ENTREP2: variants seen among roughly 807,000 people sequenced by gnomAD.
ENTREP2 encodes protein ENTREP2.
chr15:29,361,923 G>C, the ENTREP2 span, among the ~76,000 whole-genome samples: 1 of 152,140 alleles, frequency 6.6e-6, no homozygotes, highest in East Asian at 1.9e-4. Flanking sequence ...CCACACCTGG[G>C]GATACTAAGT....
the ENTREP2 span, among the ~76,000 whole-genome samples, chr15:29,616,158 TC>T: frequency 6.6e-6 from 1 of 152,248 alleles, no homozygotes; most frequent in African/African-American, 2.4e-5. Flanking sequence ...CAAAAGTCAT[TC>T]TTGATGTATT....
At chr15:29,128,855 T>C in the ENTREP2 span, 3 of 1,550,452 alleles carry the variant, frequency 1.9e-6, no homozygotes. Flanking sequence ...TGCTGACCTA[T>C]ACTTGTAACC....
the ENTREP2 span, among the ~76,000 whole-genome samples, chr15:29,137,915 G>A: frequency 1.3e-5 from 2 of 151,766 alleles, no homozygotes; most frequent in African/African-American, 4.8e-5. Flanking sequence ...CCCTCCCCTC[G>A]AAATGTCCCC....
the ENTREP2 span, among the ~76,000 whole-genome samples, chr15:29,432,650 C>G: frequency 1.3e-5 from 2 of 152,188 alleles, no homozygotes; most frequent in African/African-American, 4.8e-5. Flanking sequence ...CTGCAGGAGC[C>G]CATGCCCAGG....
At chr15:29,244,781 A>T in the ENTREP2 span, among the ~76,000 whole-genome samples, 1 of 152,200 alleles carries the variant, frequency 6.6e-6, no homozygotes, top group Non-Finnish European at 1.5e-5. Context: ...TGATGTGAAG[A>T]TGCTGTCCCT....
chr15:29,308,994 GTATAAAA>G, the ENTREP2 span, among the ~76,000 whole-genome samples: 1 of 152,088 alleles, frequency 6.6e-6, no homozygotes, highest in African/African-American at 2.4e-5. Flanking sequence ...GTCCATCTTG[GTATAAAA>G]GCATTTGTGT....
At chr15:29,596,585 T>C in the ENTREP2 span, among the ~76,000 whole-genome samples, 19 of 152,226 alleles carry the variant, frequency 1.2e-4, no homozygotes, top group Non-Finnish European at 2.5e-4. Flanking sequence ...TCAACAACAT[T>C]GTTCCATACA....
the ENTREP2 span, among the ~76,000 whole-genome samples, chr15:29,632,191 T>A: frequency 6.6e-6 from 1 of 152,162 alleles, no homozygotes; most frequent in East Asian, 1.9e-4. Context: ...CGCCACCACC[T>A]CAGTCCTCAA....
the ENTREP2 span, among the ~76,000 whole-genome samples, chr15:29,484,212 C>T: frequency 6.6e-6 from 1 of 152,156 alleles, no homozygotes; most frequent in Non-Finnish European, 1.5e-5. Flanking sequence ...CAAGAATGTT[C>T]AATTAAAACA....
the ENTREP2 span, among the ~76,000 whole-genome samples, chr15:29,469,210 G>A: frequency 1.3e-5 from 2 of 152,178 alleles, no homozygotes; most frequent in Admixed American, 1.3e-4. Flanking sequence ...TTGTTTGTTT[G>A]TTTGTTTGAG....
the ENTREP2 span, among the ~76,000 whole-genome samples, chr15:29,600,902 C>CTTTTTTTT: frequency 5.7e-5 from 7 of 123,610 alleles, no homozygotes; most frequent in Non-Finnish European, 1.1e-4. Flanking sequence ...ATTTTTCTTT[C>CTTTTTTTT]TTTTTTTTTT....
chr15:29,432,645 G>A, the ENTREP2 span, among the ~76,000 whole-genome samples: 2 of 152,206 alleles, frequency 1.3e-5, no homozygotes, highest in African/African-American at 4.8e-5. Context: ...TCAGGCTGCA[G>A]GAGCCCATGC....
At chr15:29,575,656 G>C in the ENTREP2 span, among the ~76,000 whole-genome samples, 1 of 152,030 alleles carries the variant, frequency 6.6e-6, no homozygotes, top group Non-Finnish European at 1.5e-5. Flanking sequence ...AACAAATTCA[G>C]CAAAGTTACC....
At chr15:29,652,714 G>A in the ENTREP2 span, among the ~76,000 whole-genome samples, 2 of 152,212 alleles carry the variant, frequency 1.3e-5, no homozygotes, top group Non-Finnish European at 2.9e-5. Context: ...GCTGCTGCCT[G>A]TGCTGGTACC....
chr15:29,326,780 G>T, the ENTREP2 span, among the ~76,000 whole-genome samples: 2 of 152,050 alleles, frequency 1.3e-5, no homozygotes, highest in African/African-American at 4.8e-5. Context: ...GAAAAAAGAA[G>T]TTGAAGCACT....
At chr15:29,235,960 C>T in the ENTREP2 span, among the ~76,000 whole-genome samples, 1 of 150,324 alleles carries the variant, frequency 6.7e-6, no homozygotes, top group Admixed American at 6.6e-5. Context: ...GAGACTCCAT[C>T]TCAAAAAAAA....
the ENTREP2 span, among the ~76,000 whole-genome samples, chr15:29,459,938 T>G: frequency 6.6e-6 from 1 of 152,270 alleles, no homozygotes; most frequent in Middle Eastern, 3.4e-3. Flanking sequence ...CTAATAGAGG[T>G]ATAAACACCT....
chr15:29,427,473 G>A, the ENTREP2 span, among the ~76,000 whole-genome samples: 1 of 152,188 alleles, frequency 6.6e-6, no homozygotes, highest in Admixed American at 6.5e-5. Flanking sequence ...AGTCCAAAAT[G>A]GGTTGGGTTG....
the ENTREP2 span, among the ~76,000 whole-genome samples, chr15:29,584,224 A>G: frequency 7.2e-5 from 11 of 152,332 alleles, no homozygotes; most frequent in African/African-American, 1.4e-4. Context: ...GCTCAACAGT[A>G]AGGAAATAAA....
Sources: gnomAD v4.1 joint callset for allele counts (sites outside exome capture counted in the v4.1 genomes callset) on GRCh38, gnomAD v4.1.1 for gene constraint, MANE v1.5 for transcripts, NCBI Gene and HGNC (gene_info 2026-07-23, HGNC 2026-07-21) for gene names.